Variants in PTPRE observed in about 807,000 individuals in gnomAD.
The protein encoded by PTPRE is protein tyrosine phosphatase receptor type E, also known as receptor-type tyrosine-protein phosphatase epsilon.
Under a neutral mutation model 102.0 loss-of-function variants are expected in PTPRE, and 51 were observed. That is an observed-to-expected ratio of 0.50 (90% CI 0.40 to 0.63). PTPRE has a LOEUF of 0.63. PTPRE is among the 30% of genes least tolerant of loss of function. The probability of loss-of-function intolerance (pLI) is 0.00; values close to 1 mark genes in which losing one functional copy is unlikely to be tolerated. For missense variants in PTPRE, 752 were observed against 915.1 expected (o/e 0.82, Z 2.30); for synonymous variants, 345 against 348.2 (o/e 0.99, Z 0.10).
intron 1 of PTPRE, among the ~76,000 whole-genome samples, chr10:127,931,026 C>A (rs1397482836): frequency 6.6e-6 from 1 of 152,008 alleles, no homozygotes; most frequent in Non-Finnish European, 1.5e-5. Flanking sequence ...CTCCTGACCT[C>A]GTGATCCACC....
chr10:128,016,334 A>G (rs1201396525), intron 2 of PTPRE, among the ~76,000 whole-genome samples: 2 of 152,338 alleles, frequency 1.3e-5, no homozygotes, highest in South Asian at 4.1e-4. Context: ...CTTCTGTTAC[A>G]GTAAATTTGT....
intron 2 of PTPRE, among the ~76,000 whole-genome samples, chr10:128,007,572 A>G (rs72847331): frequency 1.3e-5 from 2 of 152,340 alleles, no homozygotes; most frequent in Non-Finnish European, 1.5e-5. Context: ...AAATCTTACA[A>G]TGTTTCAGAA....
chr10:127,950,457 G>A (rs758622009), intron 1 of PTPRE, among the ~76,000 whole-genome samples: 5 of 152,128 alleles, frequency 3.3e-5, no homozygotes, highest in Non-Finnish European at 7.4e-5. Context: ...GAGTGGATTT[G>A]TCACTTAAAA....
chr10:128,046,786 G>T (rs918084584), intron 3 of PTPRE, among the ~76,000 whole-genome samples: 2 of 152,196 alleles, frequency 1.3e-5, no homozygotes, highest in East Asian at 3.9e-4. Context: ...GGGGCTGTGG[G>T]TCTCTTTCTG....
chr10:127,941,608 C>G (rs541833335), intron 1 of PTPRE, among the ~76,000 whole-genome samples: 1 of 152,248 alleles, frequency 6.6e-6, no homozygotes, highest in African/African-American at 2.4e-5. Context: ...AAATCTTACA[C>G]CAGGTAGGCT....
rs971944435 is a variant in PTPRE at position 127,907,339 on chromosome 10, GC to G, written c.-31+34del. ...GCGCGCGTGCGGACAGGGACCCTGC[GC>G]CCCTGTGGGGAACTGTGCACCCCGG... On this transcript the variant is annotated intron_variant, in intron 1 of 20. Transcript: ENST00000254667. This position sits in a 1 kb window ranked among gnomAD's most constrained non-coding sequence, Gnocchi z 4.8. The G allele has an allele frequency of 1.3e-5, 13 of 984,470 alleles. No individual in the cohort carries two copies. The highest frequency in any genetic ancestry group is 1.6e-5 in the Non-Finnish European group (13 of 829,640). 61.0% of individuals were successfully genotyped at this position (984,470 alleles called of 1,614,324 possible). A position where few individuals can be genotyped will look rare whatever the true frequency, so the allele number is the denominator to read the frequency against.
chr10:127,934,471 A>G (rs1847685042), intron 1 of PTPRE: 1 of 152,236 alleles, frequency 6.6e-6, no homozygotes, highest in Non-Finnish European at 1.5e-5. Context: ...GGAAAACCTA[A>G]GTACTTCACA....
chr10:128,070,180 C>A lies in PTPRE; in HGVS notation c.1144-121C>A, dbSNP rs1462685382. On this transcript the variant is annotated intron_variant, in intron 13 of 20. Coordinates refer to ENST00000254667, the MANE Select transcript of PTPRE (RefSeq NM_006504.6). This position sits in a 1 kb window ranked among gnomAD's most constrained non-coding sequence, Gnocchi z 4.8. ...CCGGTACTCTGACTCTTGCCTCACA[C>A]CTCCTTGTGTTGGCAAAAAGAGAAA... 6.6e-6 allele frequency: 8 copies of A among 1,209,632 alleles called. No homozygotes were observed. The Admixed American group carries it at 7.8e-5, about 12-fold the overall frequency. 74.9% of individuals were successfully genotyped at this position (1,209,632 alleles called of 1,614,324 possible).
At chr10:127,982,491 T>A (rs1208395751) in intron 2 of PTPRE, among the ~76,000 whole-genome samples, 195 bp downstream of exon 2, 2 of 45,176 alleles carry the variant, frequency 4.4e-5, no homozygotes, top group African/African-American at 4.9e-4. Context: ...ATCATTTGCG[T>A]GTGTGTGTGT....
At chr10:127,934,029 C>G (rs1331755642) in intron 1 of PTPRE, 1 of 105,166 alleles carries the variant, frequency 9.5e-6, no homozygotes, top group African/African-American at 4.1e-5. Context: ...CCCGCGCACA[C>G]ACACACACAC....
intron 1 of PTPRE, among the ~76,000 whole-genome samples, chr10:127,939,088 G>C (rs1848037137): frequency 6.6e-6 from 1 of 152,146 alleles, no homozygotes; most frequent in Admixed American, 6.5e-5. Context: ...TCTGAACAAA[G>C]AATATGAACT....
At chr10:128,063,760 GCCAGCTCTGTC>G (rs1564949338) in intron 10 of PTPRE, among the ~76,000 whole-genome samples, 1 of 152,202 alleles carries the variant, frequency 6.6e-6, no homozygotes, top group Non-Finnish European at 1.5e-5. Flanking sequence ...GCTGTGCTGG[GCCAGCTCTGTC>G]CCAGGTGCAA....
chr10:127,930,077 A>AAAAG (rs1048279642), intron 1 of PTPRE, among the ~76,000 whole-genome samples: 50 of 151,708 alleles, frequency 3.3e-4, no homozygotes, highest in Admixed American at 2.0e-3. Context: ...AAAAAAAAAA[A>AAAAG]AAAGAAAGAA....
chr10:127,934,024 G>GCGCACACACACACA (rs1357914217), intron 1 of PTPRE: 16 of 82,346 alleles, frequency 1.9e-4, no homozygotes, highest in African/African-American at 6.5e-4. Context: ...CACCCCCCGC[G>GCGCACACACACACA]CACACACACA....
intron 1 of PTPRE, among the ~76,000 whole-genome samples, chr10:127,937,036 G>A (rs759604751): frequency 3.9e-5 from 6 of 152,038 alleles, no homozygotes; most frequent in African/African-American, 9.7e-5. Context: ...AGTCCTTCTC[G>A]CTCCATAGGC....
At chr10:128,063,902 A>C (rs971074628) in intron 10 of PTPRE, among the ~76,000 whole-genome samples, 3 of 152,164 alleles carry the variant, frequency 2.0e-5, no homozygotes, top group Non-Finnish European at 4.4e-5. Flanking sequence ...CTCCAGAATG[A>C]AAGAAGAACT....
intron 1 of PTPRE, among the ~76,000 whole-genome samples, chr10:127,964,254 C>G (rs1281542677): frequency 8.5e-5 from 13 of 152,194 alleles, no homozygotes; most frequent in Non-Finnish European, 1.9e-4. Flanking sequence ...ACTGCAACTT[C>G]TGCCTCCCGG....
At chr10:127,948,725 G>A (rs1233560911) in intron 1 of PTPRE, among the ~76,000 whole-genome samples, 1 of 152,116 alleles carries the variant, frequency 6.6e-6, no homozygotes, top group Non-Finnish European at 1.5e-5. Context: ...TTTATTGTCC[G>A]GAGGTACCAC....
chr10:127,930,235 C>T (rs560735548), intron 1 of PTPRE, among the ~76,000 whole-genome samples: 1 of 152,008 alleles, frequency 6.6e-6, no homozygotes, highest in African/African-American at 2.4e-5. Context: ...CATTTTACCA[C>T]CCTGCCCCCG....
Sources: gnomAD v4.1 joint callset for allele counts (sites outside exome capture counted in the v4.1 genomes callset) on GRCh38, gnomAD v4.1.1 for gene constraint, Gnocchi (gnomAD v3.1) non-coding constraint, MANE v1.5 for transcripts, NCBI Gene and HGNC (gene_info 2026-07-23, HGNC 2026-07-21) for gene names.